Variants in RHBDD1 observed in about 807,000 individuals in gnomAD.
The protein encoded by RHBDD1 is rhomboid-related protein 4.
RHBDD1 carries 38 observed loss-of-function variants against 36.3 expected under a neutral mutation model. The observed-to-expected ratio is 1.05, with a 90% CI of 0.81 to 1.37. The LOEUF (loss-of-function observed/expected upper bound fraction) is 1.37. RHBDD1 is among the 40% of genes most tolerant of loss of function. The pLI is 0.00. For synonymous variants in RHBDD1, 151 were observed against 136.5 expected, an observed-to-expected ratio of 1.11 and a Z score of -0.74; for missense variants, 393 against 377.6, an observed-to-expected ratio of 1.04 and a Z score of -0.34.
chr2:226,819,977 GT>G, the RHBDD1 span, among the ~76,000 whole-genome samples: 57,001 of 117,740 alleles, frequency 0.48, 12,514 homozygotes, highest in East Asian at 0.59. Flanking sequence ...TATTGTGTGT[GT>G]TTTTTTTTTT....
chr2:226,997,577 T>A lies in RHBDD1; in HGVS notation c.*2055T>A, dbSNP rs1959742395. On this transcript the variant is annotated 3_prime_UTR_variant, in exon 9 of 9. Coordinates refer to ENST00000392062, the MANE Select transcript of RHBDD1 (RefSeq NM_001167608.3). ...AAATGTCAGTGTTTCACCAAAGTAT[T>A]TTTTCCATTGTATTAAGAGTCCAGT... 1 of 152,220 alleles carries A rather than the reference T, an allele frequency of 6.6e-6. No homozygotes were observed. The highest frequency in any genetic ancestry group is 1.5e-5 in the Non-Finnish European group (1 of 68,038). The allele number at this position is 152,220 out of a possible 1,614,324, so 9.4% of individuals were successfully genotyped here. A position where few individuals can be genotyped will look rare whatever the true frequency, so the allele number is the denominator to read the frequency against.
chr2:226,825,860 G>A, the RHBDD1 span, among the ~76,000 whole-genome samples: 10 of 152,286 alleles, frequency 6.6e-5, no homozygotes, highest in Admixed American at 2.0e-4. Flanking sequence ...AAATGGAGAC[G>A]AAGTGCCTCA....
the RHBDD1 span, among the ~76,000 whole-genome samples, chr2:226,824,664 C>A: frequency 6.6e-6 from 1 of 152,182 alleles, no homozygotes; most frequent in African/African-American, 2.4e-5. Context: ...CTTAGCAATA[C>A]TTCTACAAAT....
the RHBDD1 span, among the ~76,000 whole-genome samples, chr2:226,830,549 A>C: frequency 7.2e-5 from 11 of 152,356 alleles, no homozygotes; most frequent in South Asian, 2.3e-3. Flanking sequence ...TCTGGAGTGC[A>C]GTGGCTATTC....
At chr2:226,817,790 CG>C in the RHBDD1 span, among the ~76,000 whole-genome samples, 2 of 152,184 alleles carry the variant, frequency 1.3e-5, no homozygotes, top group Admixed American at 6.5e-5. Context: ...GGGGTGCTCA[CG>C]CAAAGTTAGA....
chr2:226,941,795 A>C (rs1575179145), intron 8 of RHBDD1, among the ~76,000 whole-genome samples: 1 of 152,240 alleles, frequency 6.6e-6, no homozygotes, highest in Non-Finnish European at 1.5e-5. Flanking sequence ...CATACCCATA[A>C]CACAGGCACC....
intron 3 of RHBDD1, among the ~76,000 whole-genome samples, chr2:226,840,548 A>G (rs769624119): frequency 1.3e-5 from 2 of 152,204 alleles, no homozygotes; most frequent in Non-Finnish European, 2.9e-5. Context: ...TCTAGAATGT[A>G]AGTGGAATTT....
chr2:226,896,426 A>G (rs563622137), intron 5 of RHBDD1, among the ~76,000 whole-genome samples: 11 of 152,184 alleles, frequency 7.2e-5, no homozygotes, highest in Non-Finnish European at 1.6e-4. Flanking sequence ...TCCCAGATCT[A>G]TCTATTACCC....
chr2:226,901,255 T>G (rs1319091891), intron 5 of RHBDD1, among the ~76,000 whole-genome samples: 1 of 152,212 alleles, frequency 6.6e-6, no homozygotes, highest in Non-Finnish European at 1.5e-5. Flanking sequence ...TGCGTGTGTG[T>G]GTATACATAC....
At chr2:226,954,095 C>G (rs551746542) in intron 8 of RHBDD1, among the ~76,000 whole-genome samples, 13 of 152,282 alleles carry the variant, frequency 8.5e-5, no homozygotes, top group African/African-American at 3.1e-4. Context: ...TGCCATGTTT[C>G]CGGTGCTGTG....
At chr2:226,979,856 T>G (rs1404976410) in intron 8 of RHBDD1, among the ~76,000 whole-genome samples, 1 of 152,236 alleles carries the variant, frequency 6.6e-6, no homozygotes, top group Non-Finnish European at 1.5e-5. Context: ...GTTTAGGCAC[T>G]GGTCTAGGCC....
chr2:226,907,060 A>C, intron 6 of RHBDD1, 179 bp downstream of exon 6: 1 of 661,740 alleles, frequency 1.5e-6, no homozygotes, highest in Non-Finnish European at 2.7e-6. Flanking sequence ...TGCTCCACAA[A>C]AGAGGCTGCA....
chr2:226,934,414 G>A (rs767400898), intron 8 of RHBDD1, among the ~76,000 whole-genome samples: 1 of 152,082 alleles, frequency 6.6e-6, no homozygotes, highest in East Asian at 1.9e-4. Flanking sequence ...GTTAAGTGAT[G>A]CATGACTGTC....
chr2:226,988,836 C>T (rs1056569389), intron 8 of RHBDD1: 2 of 375,324 alleles, frequency 5.3e-6, no homozygotes, highest in South Asian at 2.2e-4. Context: ...ACTTTTGCAG[C>T]TAGACCTATC....
intron 5 of RHBDD1, among the ~76,000 whole-genome samples, chr2:226,892,484 C>T (rs1031948656): frequency 6.6e-6 from 1 of 152,076 alleles, no homozygotes; most frequent in East Asian, 1.9e-4. Context: ...TTTGTACATG[C>T]GATACACTGA....
In RHBDD1 at chr2:226,909,019, C is replaced by T. The variant is rs1395712172; in HGVS notation, c.712+141C>T. 3 of 597,876 alleles carry T rather than the reference C, an allele frequency of 5.0e-6. No homozygotes were observed. The East Asian group carries it at 8.5e-5, about 17-fold the overall frequency. 37.0% of individuals were successfully genotyped at this position (597,876 alleles called of 1,614,324 possible). A position where few individuals can be genotyped will look rare whatever the true frequency, so the allele number is the denominator to read the frequency against. ...TTGTGTAACTGTGCCTCTAACACAC[C>T]TGGAAGCTAGATGGAGGGTAGCCTA... On this transcript the variant is annotated intron_variant, in intron 7 of 8. Coordinates refer to ENST00000392062, the MANE Select transcript of RHBDD1 (RefSeq NM_001167608.3).
chr2:226,808,465 GT>G, the RHBDD1 span: 1 of 152,246 alleles, frequency 6.6e-6, no homozygotes, highest in Non-Finnish European at 1.5e-5. Context: ...GGCTCAAATG[GT>G]TGTGGGACTA....
At chr2:226,906,342 A>G (rs1341724742) in intron 5 of RHBDD1, among the ~76,000 whole-genome samples, 1 of 152,202 alleles carries the variant, frequency 6.6e-6, no homozygotes, top group Non-Finnish European at 1.5e-5. Context: ...TCACTCATCC[A>G]TGGTGTAGAA....
At chr2:226,962,165 TG>T (rs1952248728) in intron 8 of RHBDD1, among the ~76,000 whole-genome samples, 1 of 152,220 alleles carries the variant, frequency 6.6e-6, no homozygotes, top group African/African-American at 2.4e-5. Context: ...GGTGATATAT[TG>T]GACACTTCAT....
Sources: gnomAD v4.1 joint callset for allele counts (sites outside exome capture counted in the v4.1 genomes callset) on GRCh38, gnomAD v4.1.1 for gene constraint, MANE v1.5 for transcripts, NCBI Gene and HGNC (gene_info 2026-07-23, HGNC 2026-07-21) for gene names.